Variants in DTD1 observed in about 807,000 individuals in gnomAD.
DTD1 encodes the protein D-aminoacyl-tRNA deacylase 1.
DTD1 carries 13 observed loss-of-function variants against 25.6 expected under a neutral mutation model. That is an observed-to-expected ratio of 0.51 (90% CI 0.33 to 0.81). The LOEUF (loss-of-function observed/expected upper bound fraction) is 0.81. Ranked by LOEUF, DTD1 falls within the 30% of genes least tolerant of loss-of-function variation. The pLI, the probability that DTD1 is intolerant of heterozygous loss-of-function variation, is 0.02. For synonymous variants in DTD1, 110 were observed against 103.6 expected, an observed-to-expected ratio of 1.06 and a Z score of -0.37; for missense variants, 193 against 266.4, an observed-to-expected ratio of 0.72 and a Z score of 1.92.
Position 18,744,115 on chromosome 20 carries a change from A to G in DTD1, c.493A>G (p.Lys165Glu). The change falls in exon 5 of 6, where the codon AAA becomes GAA. Residue 165 changes from lysine to glutamate, a missense_variant. Lys to Glu is a moderately conservative substitution (Grantham distance 56). Coordinates refer to ENST00000377452, the MANE Select transcript of DTD1 (RefSeq NM_080820.6). ...SDPKQLSKLE[K>E]QQQRKEKTRA... ...ATTTAATCAGCTGTCAAAGCTCGAA[A>G]AACAGCAGCAGAGGAAAGAAAAGAC... The G allele has an allele frequency of 6.2e-7, 1 of 1,609,442 alleles. No homozygotes were observed. The highest frequency in any genetic ancestry group is 8.5e-7 in the Non-Finnish European group (1 of 1,178,908).
intron 4 of DTD1, among the ~76,000 whole-genome samples, chr20:18,654,007 G>T (rs965219646): frequency 6.6e-6 from 1 of 152,180 alleles, no homozygotes; most frequent in African/African-American, 2.4e-5. Flanking sequence ...AGGCTGCACT[G>T]CTTTACATTT....
chr20:18,759,320 T>C lies in DTD1; in HGVS notation c.*20-4040T>C, dbSNP rs542716478. On this transcript the variant is annotated intron_variant, in intron 5 of 5. Transcript: ENST00000377452. ...ATTTTGCTCGTTAGTTGATGCAGTT[T>C]CTTCCTAGCCTCGATGGTCTTTACA... 6.6e-5 allele frequency among the ~76,000 whole-genome samples: 10 copies of C among 152,354 alleles called. No homozygotes were observed. The East Asian group carries it at 1.9e-3, about 29-fold the overall frequency.
intron 4 of DTD1, among the ~76,000 whole-genome samples, chr20:18,676,738 G>A (rs2060976801): frequency 6.6e-6 from 1 of 152,170 alleles, no homozygotes; most frequent in African/African-American, 2.4e-5. Context: ...GCTGCTTGTA[G>A]GATCACATTT....
intron 4 of DTD1, among the ~76,000 whole-genome samples, chr20:18,664,760 G>C (rs1287641939): frequency 6.6e-6 from 1 of 152,212 alleles, no homozygotes; most frequent in Non-Finnish European, 1.5e-5. Context: ...GCAGAAGTGT[G>C]GGGTGTGTTG....
chr20:18,758,296 T>C (rs2061347555), intron 5 of DTD1, among the ~76,000 whole-genome samples: 1 of 152,200 alleles, frequency 6.6e-6, no homozygotes, highest in Non-Finnish European at 1.5e-5. Flanking sequence ...ATCTTAGTTA[T>C]TTCTTGCCTT....
At chr20:18,744,818 G>C (rs555579104) in intron 5 of DTD1, among the ~76,000 whole-genome samples, 1 of 151,930 alleles carries the variant, frequency 6.6e-6, no homozygotes, top group Non-Finnish European at 1.5e-5. Context: ...GTGTTCCTAC[G>C]TGGGAATTAT....
At position 18,695,874 on chromosome 20, in the gene DTD1, C is replaced by T. The variant is rs74595880; in HGVS notation, c.478-48226C>T. ...TTTATTTTTGTAGAGATGGGGTTCT[C>T]ACTATGTTGCCCAAGCTGGCCATGG... On this transcript the variant is annotated intron_variant, in intron 4 of 5. Coordinates refer to ENST00000377452, the MANE Select transcript of DTD1 (RefSeq NM_080820.6). Among the ~76,000 whole-genome samples, 813 of 151,978 alleles carry T rather than the reference C, an allele frequency of 5.3e-3. 6 individuals carry two copies. The highest frequency in any genetic ancestry group is 0.019 in the African/African-American group (777 of 41,460).
At chr20:18,680,402 T>TTAG (rs2060992181) in intron 4 of DTD1, among the ~76,000 whole-genome samples, 1 of 142,616 alleles carries the variant, frequency 7.0e-6, no homozygotes, top group African/African-American at 2.6e-5. Context: ...CACAGTGATT[T>TTAG]TTGTTGTTGT....
At chr20:18,687,797 G>A (rs6136472) in intron 4 of DTD1, among the ~76,000 whole-genome samples, 2 of 152,146 alleles carry the variant, frequency 1.3e-5, no homozygotes, top group African/African-American at 4.8e-5. Flanking sequence ...TCTCACCTTA[G>A]CCTCCCACAA....
intron 4 of DTD1, among the ~76,000 whole-genome samples, chr20:18,689,326 T>C (rs997773696): frequency 2.6e-5 from 4 of 152,178 alleles, no homozygotes; most frequent in African/African-American, 9.7e-5. Context: ...TAAGGGGGTA[T>C]ATGGAGTTTG....
chr20:18,622,210 T>C (rs2060737356), intron 3 of DTD1, among the ~76,000 whole-genome samples: 1 of 152,192 alleles, frequency 6.6e-6, no homozygotes, highest in African/African-American at 2.4e-5. Flanking sequence ...ATTAGGTATT[T>C]GCCCTAATGA....
intron 4 of DTD1, among the ~76,000 whole-genome samples, chr20:18,668,807 T>C (rs1410102521): frequency 3.3e-5 from 5 of 152,224 alleles, no homozygotes; most frequent in Admixed American, 3.3e-4. Flanking sequence ...CTTTTCCAGA[T>C]TTTTCTGCCT....
At position 18,618,718 on chromosome 20, in the gene DTD1, A is replaced by AT. The variant is rs1235552916; in HGVS notation, c.371-9398dup. Reference sequence around the variant, plus strand: ...ACACACACACACACACACACATATAATTTTTTTTTTTGAGATGGAGTTTTG... The same window carrying AT: ...ACACACACACACACACACACATATAATTTTTTTTTTTTGAGATGGAGTTTTG... On this transcript the variant is annotated intron_variant, in intron 3 of 5. Coordinates refer to ENST00000377452, the MANE Select transcript of DTD1 (RefSeq NM_080820.6). 4.0e-3 allele frequency among the ~76,000 whole-genome samples: 379 copies of AT among 95,002 alleles called. 1 individual carries two copies. The highest frequency in any genetic ancestry group is 0.014 in the African/African-American group (335 of 23,748). 62.3% of individuals were successfully genotyped at this position (95,002 alleles called of 152,430 possible).
At chr20:18,690,101 A>G (rs1021022539) in intron 4 of DTD1, among the ~76,000 whole-genome samples, 7 of 148,566 alleles carry the variant, frequency 4.7e-5, no homozygotes, top group African/African-American at 1.7e-4. Context: ...ACACCACTGC[A>G]TTTCAGCCTG....
intron 4 of DTD1, among the ~76,000 whole-genome samples, chr20:18,708,157 A>ATG (rs753494941): frequency 0.049 from 1,099 of 22,428 alleles, 40 homozygotes; most frequent in Non-Finnish European, 0.08. Flanking sequence ...AATTATTAAC[A>ATG]TGTGTGTGTG....
At chr20:18,619,684 C>T (rs546582853) in intron 3 of DTD1, among the ~76,000 whole-genome samples, 1 of 152,214 alleles carries the variant, frequency 6.6e-6, no homozygotes, top group Non-Finnish European at 1.5e-5. Context: ...CTCGGCCTCC[C>T]AAAGTGCTGG....
At chr20:18,741,890 CCTTTGTA>C (rs2061279354) in intron 4 of DTD1, among the ~76,000 whole-genome samples, 1 of 57,622 alleles carries the variant, frequency 1.7e-5, no homozygotes, top group Non-Finnish European at 4.8e-5. Flanking sequence ...GCCTGGCTAA[CCTTTGTA>C]TTTTTTTTTT....
At chr20:18,597,581 T>TC (rs1386507955) in intron 3 of DTD1, among the ~76,000 whole-genome samples, 1 of 152,222 alleles carries the variant, frequency 6.6e-6, no homozygotes, top group Non-Finnish European at 1.5e-5. Context: ...TTCCGTCTCT[T>TC]TAGATTTGTC....
intron 4 of DTD1, 135 bp from the exon 5 acceptor site, chr20:18,743,965 C>G (rs767311460): frequency 4.6e-6 from 4 of 870,892 alleles, no homozygotes; most frequent in Non-Finnish European, 6.9e-6. Flanking sequence ...TTTGGTATAT[C>G]TGAACCACTG....
Sources: allele counts gnomAD v4.1 joint callset (sites outside exome capture counted in the v4.1 genomes callset), GRCh38; gene constraint gnomAD v4.1.1; transcripts MANE v1.5; gene names NCBI Gene and HGNC (gene_info 2026-07-23, HGNC 2026-07-21).